The following SNTG1 variants were observed in gnomAD, a reference collection of about 807,000 sequenced individuals.
The protein encoded by SNTG1 is syntrophin gamma 1.
SNTG1 carries 39 observed loss-of-function variants against 74.7 expected under a neutral mutation model. The ratio of observed to expected loss-of-function variants is 0.52; its 90% confidence interval spans 0.40 to 0.68. The LOEUF is 0.68. Among genes scored for constraint, SNTG1 ranks in the 30% least tolerant of loss-of-function variants. SNTG1 has a pLI of 0.00. For synonymous variants in SNTG1, 254 were observed against 217.1 expected (o/e 1.17, Z -1.49); for missense variants, 685 against 609.5 (o/e 1.12, Z -1.30).
chr8:50,768,180 A>G (rs575746798), intron 18 of SNTG1, among the ~76,000 whole-genome samples: 1 of 152,068 alleles, frequency 6.6e-6, no homozygotes, highest in African/African-American at 2.4e-5. Flanking sequence ...TCATAAGAGA[A>G]ATTTTCAAAT....
intron 13 of SNTG1, among the ~76,000 whole-genome samples, chr8:50,595,349 C>CA (rs2094720425): frequency 6.6e-6 from 1 of 152,040 alleles, no homozygotes; most frequent in South Asian, 2.1e-4. Context: ...CTTGGAAAAT[C>CA]AACCAGCTCA....
intron 2 of SNTG1, among the ~76,000 whole-genome samples, chr8:50,260,811 T>C (rs1400117121): frequency 6.7e-6 from 1 of 149,230 alleles, no homozygotes; most frequent in Non-Finnish European, 1.5e-5. Flanking sequence ...GAATGAAGAA[T>C]ACTTTTGATG....
intron 2 of SNTG1, among the ~76,000 whole-genome samples, chr8:50,258,797 A>T (rs1021652163): frequency 6.6e-6 from 1 of 152,166 alleles, no homozygotes; most frequent in African/African-American, 2.4e-5. Context: ...GTATGATGCC[A>T]TTAAATACAT....
chr8:49,938,181 T>G (rs1055456802), intron 1 of SNTG1, among the ~76,000 whole-genome samples: 1 of 152,180 alleles, frequency 6.6e-6, no homozygotes, highest in East Asian at 1.9e-4. Context: ...CAACTGACCA[T>G]GTAATTCCTT....
At chr8:50,748,437 G>T (rs185957640) in intron 17 of SNTG1, among the ~76,000 whole-genome samples, 1 of 152,090 alleles carries the variant, frequency 6.6e-6, no homozygotes, top group East Asian at 1.9e-4. Context: ...GATCACTGGT[G>T]ATATGTTAAA....
At chr8:50,651,904 G>A (rs550650563) in intron 13 of SNTG1, among the ~76,000 whole-genome samples, 43 of 151,588 alleles carry the variant, frequency 2.8e-4, no homozygotes, top group Middle Eastern at 6.8e-3. Context: ...TCGGCCTCCC[G>A]AGTAGCTGGG....
Position 50,704,676 on chromosome 8 carries a change from T to C in SNTG1, c.1115T>C (p.Val372Ala), listed in dbSNP as rs2095437544. The change falls in exon 16 of 19, where the codon GTG becomes GCG. Residue 372 changes from valine (V) to alanine (A), a missense_variant. Physicochemically the swap from Val to Ala is moderately conservative, Grantham distance 64. Coordinates refer to ENST00000642720, the MANE Select transcript of SNTG1 (RefSeq NM_018967.5). The part of the protein sequence containing the change: ...SESGEDLYFS[V>A]ELESDLAQWE... ...TCTGGGGAGGACCTGTACTTCTCAG[T>C]GGAGCTGGAAAGTGACCTCGCCCAG... The C allele has an allele frequency of 6.2e-7, 1 of 1,614,112 alleles. No individual in the cohort carries two copies. Among genetic ancestry groups the C allele is most frequent in the East Asian group, 2.2e-5 (1 of 44,852 alleles).
Position 50,536,647 on chromosome 8 carries a change from A to G in SNTG1, c.550-31A>G, listed in dbSNP as rs375168352. On this transcript the variant is annotated intron_variant, in intron 10 of 18. Transcript: ENST00000642720. ...CAGAAACTCAAAGCACAGAAGAAAAAAATTACGTTGAATATTTATCTTCCT... is the reference window on the plus strand; with the variant it reads ...CAGAAACTCAAAGCACAGAAGAAAAGAATTACGTTGAATATTTATCTTCCT... The G allele has an allele frequency of 1.9e-5, 31 of 1,605,916 alleles. No individual in the cohort carries two copies. In the African/African-American group the frequency reaches 4.2e-4, roughly 22 times the overall value.
chr8:50,028,410 A>G (rs929974522), intron 1 of SNTG1, among the ~76,000 whole-genome samples: 3 of 152,126 alleles, frequency 2.0e-5, no homozygotes, highest in Admixed American at 1.3e-4. Context: ...AAATAAAGCT[A>G]TTATGAATAA....
At chr8:50,084,809 T>C (rs1563569579) in intron 1 of SNTG1, among the ~76,000 whole-genome samples, 1 of 152,190 alleles carries the variant, frequency 6.6e-6, no homozygotes, top group Non-Finnish European at 1.5e-5. Context: ...AGTGTGTTAG[T>C]TATTGCAGGA....
chr8:50,620,599 C>T (rs1210719086), intron 13 of SNTG1, among the ~76,000 whole-genome samples: 1 of 152,118 alleles, frequency 6.6e-6, no homozygotes, highest in Non-Finnish European at 1.5e-5. Flanking sequence ...GAGAGAGTAG[C>T]TAATTTTTCT....
chr8:50,792,642 T>TA, intron 18 of SNTG1, 29 bp from the exon 19 acceptor site: 1 of 1,589,200 alleles, frequency 6.3e-7, no homozygotes, highest in Admixed American at 1.8e-5. Context: ...ATTTTTATGT[T>TA]ATCTGACCTG....
intron 2 of SNTG1, among the ~76,000 whole-genome samples, chr8:50,330,202 A>T (rs2130870973): frequency 6.6e-6 from 1 of 152,124 alleles, no homozygotes; most frequent in East Asian, 1.9e-4. Flanking sequence ...ATGAGATCTG[A>T]TGTTTTTATA....
intron 1 of SNTG1, among the ~76,000 whole-genome samples, chr8:50,090,794 G>C (rs2079701404): frequency 6.6e-6 from 1 of 152,106 alleles, no homozygotes; most frequent in Non-Finnish European, 1.5e-5. Context: ...TGTTGTACTA[G>C]TTAGAACCTG....
chr8:50,191,960 A>G (rs149645627), intron 2 of SNTG1, among the ~76,000 whole-genome samples: 2 of 152,266 alleles, frequency 1.3e-5, no homozygotes, highest in African/African-American at 4.8e-5. Flanking sequence ...GGCCTAATTA[A>G]ACTAAAGAGC....
intron 8 of SNTG1, among the ~76,000 whole-genome samples, chr8:50,484,467 G>A (rs912905646): frequency 4.0e-5 from 6 of 151,174 alleles, no homozygotes; most frequent in African/African-American, 1.2e-4. Flanking sequence ...TACCTGTCTC[G>A]GCCTCCCAAA....
chr8:50,055,472 A>G (rs1194664580), intron 1 of SNTG1, among the ~76,000 whole-genome samples: 1 of 152,130 alleles, frequency 6.6e-6, no homozygotes, highest in Non-Finnish European at 1.5e-5. Context: ...TTTAAATTGA[A>G]GAAGTCCCTC....
chr8:49,997,237 A>G (rs1747332587), intron 1 of SNTG1, among the ~76,000 whole-genome samples: 1 of 152,088 alleles, frequency 6.6e-6, no homozygotes, highest in South Asian at 2.1e-4. Context: ...AAGCTGCACC[A>G]TCCACTTTTG....
chr8:50,220,113 A>T (rs4873429), intron 2 of SNTG1, among the ~76,000 whole-genome samples: 39,939 of 151,994 alleles, frequency 0.26, 5,322 homozygotes, highest in South Asian at 0.37. Context: ...TATGACAAAA[A>T]GAAGGGCCAA....
Sources: gnomAD v4.1 joint callset for allele counts (sites outside exome capture counted in the v4.1 genomes callset) on GRCh38, gnomAD v4.1.1 for gene constraint, MANE v1.5 for transcripts, NCBI Gene and HGNC (gene_info 2026-07-23, HGNC 2026-07-21) for gene names.